Variants in PCDHA12 observed in about 807,000 individuals in gnomAD.
PCDHA12 encodes the protein protocadherin alpha-12.
Under a neutral mutation model 60.0 loss-of-function variants are expected in PCDHA12, and 44 were observed. That is an observed-to-expected ratio of 0.73 (90% CI 0.58 to 0.94). The LOEUF (loss-of-function observed/expected upper bound fraction) is 0.94. PCDHA12 is among the 40% of genes least tolerant of loss of function. The probability of loss-of-function intolerance (pLI) is 0.00; values close to 1 mark genes in which losing one functional copy is unlikely to be tolerated. For synonymous variants in PCDHA12, 569 were observed against 553.0 expected (o/e 1.03, Z -0.40); for missense variants, 1,276 against 1,239.7 (o/e 1.03, Z -0.44).
chr5:140,928,161 C>G (rs155820), intron 1 of PCDHA12: 543,775 of 1,613,884 alleles, frequency 0.34, 93,301 homozygotes, highest in East Asian at 0.51. Flanking sequence ...GTGGCTCACC[C>G]CCACTTAGCA....
intron 1 of PCDHA12, chr5:140,966,193 G>C (rs1554228123): frequency 4.8e-6 from 1 of 207,392 alleles, no homozygotes; most frequent in Non-Finnish European, 9.5e-6. Flanking sequence ...CAGACTTCTA[G>C]GGGCTTGACT....
At position 140,969,519 on chromosome 5, in the gene PCDHA12, G is replaced by A. The variant is rs1586385280; in HGVS notation, c.2368-9430G>A. On this transcript the variant is annotated intron_variant, in intron 1 of 3. Transcript: ENST00000398631. ...TCTAGAAAAATAGCACTAAAGAATTGTTTTATTTTTCATTTTCAGAGGCAT... is the reference window on the plus strand; with the variant it reads ...TCTAGAAAAATAGCACTAAAGAATTATTTTATTTTTCATTTTCAGAGGCAT... The A allele has an allele frequency of 3.6e-6, 5 of 1,406,074 alleles. No individual in the cohort carries two copies. The East Asian group carries it at 1.3e-4, about 35-fold the overall frequency. 87.1% of individuals were successfully genotyped at this position (1,406,074 alleles called of 1,614,324 possible). A position where few individuals can be genotyped will look rare whatever the true frequency, so the allele number is the denominator to read the frequency against.
intron 1 of PCDHA12, chr5:140,967,201 A>T: frequency 6.2e-7 from 1 of 1,613,620 alleles, no homozygotes; most frequent in Non-Finnish European, 8.5e-7. Flanking sequence ...ACGACAACTC[A>T]CCGCGTTTCC....
At chr5:140,997,097 T>G (rs1222829529) in intron 3 of PCDHA12, among the ~76,000 whole-genome samples, 10 of 152,156 alleles carry the variant, frequency 6.6e-5, no homozygotes, top group Admixed American at 5.2e-4. Context: ...TGCAGAGTTC[T>G]CATGCACTCC....
At chr5:141,005,725 A>AAAAAAG (rs2098234610) in intron 3 of PCDHA12, among the ~76,000 whole-genome samples, 2 of 150,088 alleles carry the variant, frequency 1.3e-5, no homozygotes, top group Admixed American at 6.6e-5. Flanking sequence ...AAAAAAAAAA[A>AAAAAAG]AAAAAAGAAT....
intron 1 of PCDHA12, among the ~76,000 whole-genome samples, chr5:140,945,356 G>A (rs1294877669): frequency 1.1e-4 from 16 of 151,976 alleles, no homozygotes; most frequent in Non-Finnish European, 1.9e-4. Flanking sequence ...AATTAATACT[G>A]TTTAAAATGT....
In PCDHA12 at chr5:140,904,790, G is replaced by T. The variant is rs139747501; in HGVS notation, c.2367+26951G>T. 2.6e-3 allele frequency among the ~76,000 whole-genome samples: 392 copies of T among 152,018 alleles called. 4 individuals carry two copies. In the East Asian group the frequency reaches 0.045, roughly 17 times the overall value. The stretch of plus-strand genomic sequence containing the variant: ...TGGTATCACATTATTGTTTTAATTT[G>T]CATTTTCCTGATAATTAGTGATGTT... On this transcript the variant is annotated intron_variant, in intron 1 of 3. Coordinates refer to ENST00000398631, the MANE Select transcript of PCDHA12 (RefSeq NM_018903.4).
intron 1 of PCDHA12, chr5:140,928,768 C>G: frequency 1.2e-6 from 2 of 1,614,136 alleles, no homozygotes; most frequent in Non-Finnish European, 1.7e-6. Context: ...CTTAGTTCTT[C>G]CCACTGATGC....
intron 1 of PCDHA12, among the ~76,000 whole-genome samples, chr5:140,916,773 A>G (rs1584011849): frequency 6.6e-6 from 1 of 151,502 alleles, no homozygotes; most frequent in South Asian, 2.1e-4. Context: ...TGGCACAAGC[A>G]CTCCCTTAGC....
In PCDHA12 at chr5:140,877,389, G is replaced by T; in HGVS notation, c.1917G>T (p.Glu639Asp). ...TCAGCACGACACGCATCCTGGATGA[G>T]GCGGACGCTCCGCGCCACCGCCTGC... The part of the protein sequence containing the change: ...GEISTTRILD[E>D]ADAPRHRLLV... Residue 639 changes from glutamate (E) to aspartate (D), a missense_variant, in exon 1 of 4, where the codon GAG becomes GAT. Coordinates refer to ENST00000398631, the MANE Select transcript of PCDHA12 (RefSeq NM_018903.4). 1 of 1,613,994 alleles carries T rather than the reference G, an allele frequency of 6.2e-7. No individual in the cohort carries two copies. Among genetic ancestry groups the T allele is most frequent in the Non-Finnish European group, 8.5e-7 (1 of 1,179,900 alleles).
intron 1 of PCDHA12, among the ~76,000 whole-genome samples, chr5:140,909,701 T>A (rs1038404823): frequency 4.6e-4 from 70 of 152,334 alleles, no homozygotes; most frequent in African/African-American, 1.6e-3. Flanking sequence ...TTCTGCTAGC[T>A]GCTAAGTATA....
At chr5:140,966,395 T>A in intron 1 of PCDHA12, 1 of 404,602 alleles carries the variant, frequency 2.5e-6, no homozygotes, top group Non-Finnish European at 4.3e-6. Flanking sequence ...GTCCGCCACT[T>A]CGGCGCGGAA....
At chr5:140,944,407 G>A (rs1384591675) in intron 1 of PCDHA12, among the ~76,000 whole-genome samples, 2 of 152,036 alleles carry the variant, frequency 1.3e-5, no homozygotes, top group East Asian at 1.9e-4. Context: ...GGCTGGTCTC[G>A]AACTCCTGAT....
intron 1 of PCDHA12, among the ~76,000 whole-genome samples, chr5:140,901,220 TC>T (rs1383510008): frequency 6.6e-6 from 1 of 152,200 alleles, no homozygotes; most frequent in Non-Finnish European, 1.5e-5. Context: ...GTTGATGTGA[TC>T]CCATATATCC....
Position 140,968,677 on chromosome 5 carries a change from G to A in PCDHA12, c.2368-10272G>A, listed in dbSNP as rs781795184. The A allele has an allele frequency of 5.0e-6, 8 of 1,614,156 alleles. No individual in the cohort carries two copies. In the South Asian group the frequency reaches 8.8e-5, roughly 18 times the overall value. ...ACCTGGACCTCTTTAAGGTAGAGCTGCACACAGGAGAAATTAGGACTACCA... is the reference window on the plus strand; with the variant it reads ...ACCTGGACCTCTTTAAGGTAGAGCTACACACAGGAGAAATTAGGACTACCA... On this transcript the variant is annotated intron_variant, in intron 1 of 3. Coordinates refer to ENST00000398631, the MANE Select transcript of PCDHA12 (RefSeq NM_018903.4).
intron 1 of PCDHA12, among the ~76,000 whole-genome samples, chr5:140,933,901 C>T (rs1218971055): frequency 4.0e-5 from 6 of 151,882 alleles, no homozygotes; most frequent in African/African-American, 1.2e-4. Context: ...AATATTTTGG[C>T]ATAAAGTTGT....
rs782609302 is a variant in PCDHA12 at position 140,875,595 on chromosome 5, C to T, written c.123C>T (p.His41=). The T allele has an allele frequency of 6.2e-6, 10 of 1,613,842 alleles. No individual in the cohort carries two copies. The African/African-American group carries it at 8.0e-5, about 13-fold the overall frequency. ...ACTCCGTCTACGAGGAGGCCAAACA[C>T]GGCACCTTCGTGGGCCGCATCGCTC... The part of the protein sequence containing the change: ...LHYSVYEEAK[H]GTFVGRIAQD... The change falls in exon 1 of 4, where the codon CAC becomes CAT. Residue 41 remains histidine (H), a synonymous_variant. Transcript: ENST00000398631.
chr5:140,877,317 G>C lies in PCDHA12; in HGVS notation c.1845G>C (p.Ala615=), dbSNP rs535177109. The C allele has an allele frequency of 3.1e-6, 5 of 1,614,004 alleles. No individual in the cohort carries two copies. Among genetic ancestry groups the C allele is most frequent in the Admixed American group, 1.7e-5 (1 of 60,026 alleles). The change falls in exon 1 of 4, where the codon GCG becomes GCC. Residue 615 remains alanine, a synonymous_variant. Transcript: ENST00000398631. The part of the protein sequence containing the change: ...AWLSYELQPA[A]VGAHIPFHVG... ...TGTCCTACGAGTTGCAACCGGCGGC[G>C]GTCGGCGCGCACATCCCGTTCCACG...
intron 1 of PCDHA12, among the ~76,000 whole-genome samples, chr5:140,919,300 C>A (rs547709389): frequency 6.6e-6 from 1 of 152,248 alleles, no homozygotes; most frequent in African/African-American, 2.4e-5. Flanking sequence ...GCTGTTTGTA[C>A]AATATATGTT....
Sources: gnomAD v4.1 joint callset for allele counts (sites outside exome capture counted in the v4.1 genomes callset) on GRCh38, gnomAD v4.1.1 for gene constraint, MANE v1.5 for transcripts, NCBI Gene and HGNC (gene_info 2026-07-23, HGNC 2026-07-21) for gene names.